Variants in GRIA2 observed in about 807,000 individuals in gnomAD.
GRIA2 encodes glutamate ionotropic receptor AMPA type subunit 2.
In GRIA2, 14 loss-of-function variants were observed where a neutral mutation model predicts 97.3. The observed-to-expected ratio is 0.14, with a 90% CI of 0.10 to 0.23. The LOEUF (loss-of-function observed/expected upper bound fraction) is 0.23, where lower values mean the gene tolerates loss of function less well. GRIA2 is among the 10% of genes least tolerant of loss of function. The probability of loss-of-function intolerance (pLI) is 1.00; values close to 1 mark genes in which losing one functional copy is unlikely to be tolerated. For missense variants in GRIA2, 558 were observed against 1,069.8 expected (o/e 0.52, Z 6.67); for synonymous variants, 412 against 387.8 (o/e 1.06, Z -0.73).
At position 157,341,397 on chromosome 4, in the gene GRIA2, C is replaced by A; in HGVS notation, c.1978C>A (p.Leu660Ile). The A allele has an allele frequency of 6.2e-7, 1 of 1,612,558 alleles. No homozygotes were observed. Among genetic ancestry groups the A allele is most frequent in the Non-Finnish European group, 8.5e-7 (1 of 1,178,766 alleles). ...GTCTCCCATCGAAAGTGCTGAGGAT[C>A]TTTCTAAGCAAACAGAAATTGCTTA... ...MVSPIESAED[L>I]SKQTEIAYGT... The change falls in exon 12 of 16, where the codon CTT (leucine) becomes ATT (isoleucine). Residue 660 changes from leucine to isoleucine, a missense_variant. This residue lies in a region of GRIA2 where 125 missense variants were observed against 310.2 expected (regional missense o/e 0.40). Transcript: ENST00000264426.
chr4:157,287,403 T>C (rs893898252), intron 2 of GRIA2, among the ~76,000 whole-genome samples: 3 of 151,528 alleles, frequency 2.0e-5, no homozygotes, highest in Non-Finnish European at 4.4e-5. Context: ...TGTGTGGGAG[T>C]GTGTGTGAAT....
intron 2 of GRIA2, among the ~76,000 whole-genome samples, chr4:157,271,783 T>C (rs1205271930): frequency 2.6e-5 from 4 of 152,100 alleles, no homozygotes; most frequent in Admixed American, 6.6e-5. Flanking sequence ...GTCCTGAAGC[T>C]ACCTTGGGTT....
chr4:157,240,589 A>G (rs1730461046), intron 2 of GRIA2, among the ~76,000 whole-genome samples: 1 of 152,200 alleles, frequency 6.6e-6, no homozygotes, highest in Non-Finnish European at 1.5e-5. Context: ...ACTGCCCGTC[A>G]ACTGGGACCT....
At chr4:157,324,505 C>G (rs866908906) in intron 6 of GRIA2, among the ~76,000 whole-genome samples, 2 of 152,214 alleles carry the variant, frequency 1.3e-5, no homozygotes, top group South Asian at 2.1e-4. Context: ...TCAAGGAAGG[C>G]TTTCATGGGA....
intron 2 of GRIA2, among the ~76,000 whole-genome samples, chr4:157,237,183 T>G (rs577347363): frequency 6.6e-6 from 1 of 152,242 alleles, no homozygotes; most frequent in East Asian, 1.9e-4. Flanking sequence ...CTTTATGTGA[T>G]TAACAAAACC....
chr4:157,292,688 T>C (rs1239845931), intron 2 of GRIA2, among the ~76,000 whole-genome samples: 2 of 152,062 alleles, frequency 1.3e-5, no homozygotes, highest in African/African-American at 4.8e-5. Context: ...AGATGATTAA[T>C]AGAGGAAACT....
At chr4:157,362,169 G>T (rs899342686) in intron 14 of GRIA2, among the ~76,000 whole-genome samples, 1 of 152,120 alleles carries the variant, frequency 6.6e-6, no homozygotes, top group African/African-American at 2.4e-5. Flanking sequence ...TGGAGACCAA[G>T]AGATCAAAAA....
chr4:157,271,106 C>T (rs1275811418), intron 2 of GRIA2, among the ~76,000 whole-genome samples: 2 of 151,948 alleles, frequency 1.3e-5, no homozygotes, highest in African/African-American at 4.8e-5. Context: ...GAAGAAAAAA[C>T]TCATGCACAA....
At chr4:157,349,248 C>T (rs1735897142) in intron 12 of GRIA2, among the ~76,000 whole-genome samples, 1 of 152,044 alleles carries the variant, frequency 6.6e-6, no homozygotes, top group African/African-American at 2.4e-5. Context: ...ACAAGGGGCC[C>T]ATTCTGTCTT....
At chr4:157,255,448 T>C (rs1399825666) in intron 2 of GRIA2, among the ~76,000 whole-genome samples, 1 of 152,074 alleles carries the variant, frequency 6.6e-6, no homozygotes, top group Non-Finnish European at 1.5e-5. Flanking sequence ...GATAAAATCC[T>C]AGTTCTATTT....
At chr4:157,289,534 T>C (rs1277126213) in intron 2 of GRIA2, among the ~76,000 whole-genome samples, 2 of 151,900 alleles carry the variant, frequency 1.3e-5, no homozygotes, top group Non-Finnish European at 2.9e-5. Flanking sequence ...AAATTCAAGA[T>C]TCTTAAGAAG....
Position 157,317,684 on chromosome 4 carries a change from AG to A in GRIA2, c.696del (p.Tyr233ThrfsTer16). 8.2e-7 allele frequency: 1 copy of A among 1,223,172 alleles called. No individual in the cohort carries two copies. Among genetic ancestry groups the A allele is most frequent in the Non-Finnish European group, 1.2e-6 (1 of 831,200 alleles). 75.8% of individuals were successfully genotyped at this position (1,223,172 alleles called of 1,614,324 possible). A position where few individuals can be genotyped will look rare whatever the true frequency, so the allele number is the denominator to read the frequency against. ...TTATTACCATTGGAAAACATGTTAA[AG>A]GGTACCACTACATCATTGCAAATCT... ...QVITIGKHVK[G>X]YHYIIANLGF... On this transcript the variant is annotated frameshift_variant, in exon 5 of 16. Coordinates refer to ENST00000264426, the MANE Select transcript of GRIA2 (RefSeq NM_001083619.3). LOFTEE classifies it high-confidence loss of function.
chr4:157,230,239 A>T (rs1349483180), intron 2 of GRIA2, among the ~76,000 whole-genome samples: 2 of 151,584 alleles, frequency 1.3e-5, no homozygotes, highest in Non-Finnish European at 1.5e-5. Flanking sequence ...TATTCAAGAT[A>T]TTGCAGTAAG....
intron 2 of GRIA2, among the ~76,000 whole-genome samples, chr4:157,268,442 A>G (rs1398151960): frequency 2.6e-5 from 4 of 152,014 alleles, no homozygotes; most frequent in Non-Finnish European, 2.9e-5. Flanking sequence ...CAGTTTTCTT[A>G]TAGTGAAAAA....
At chr4:157,232,196 A>G (rs1421442170) in intron 2 of GRIA2, among the ~76,000 whole-genome samples, 3 of 152,190 alleles carry the variant, frequency 2.0e-5, no homozygotes, top group African/African-American at 7.2e-5. Flanking sequence ...TATGAATTCC[A>G]TATATTTAAG....
At chr4:157,325,525 A>C (rs557691220) in intron 6 of GRIA2, among the ~76,000 whole-genome samples, 1 of 152,340 alleles carries the variant, frequency 6.6e-6, no homozygotes, top group South Asian at 2.1e-4. Flanking sequence ...TCTTCAGACT[A>C]GAAACCAACA....
chr4:157,268,706 C>A (rs1731879499), intron 2 of GRIA2, among the ~76,000 whole-genome samples: 1 of 151,674 alleles, frequency 6.6e-6, no homozygotes, highest in African/African-American at 2.4e-5. Flanking sequence ...TCTAGTAGAT[C>A]CTACTTATTA....
In GRIA2 at chr4:157,221,088, T is replaced by G. The variant is rs771354204; in HGVS notation, c.46T>G (p.Trp16Gly). ...HISVLLSPVL[W>G]GLIFGVSSNS... ...TTCTGTCCTCCTTTCTCCTGTTTTA[T>G]GGGGACTGATTTTTGGTGTCTCTTC... is the stretch of plus-strand genomic sequence containing the variant. Residue 16 changes from tryptophan (W) to glycine (G), a missense_variant, in exon 1 of 16, where the codon TGG becomes GGG. Trp to Gly is a radical substitution (Grantham distance 184). Transcript: ENST00000264426. 1 of 1,598,126 alleles carries G rather than the reference T, an allele frequency of 6.3e-7. No individual in the cohort carries two copies. Among genetic ancestry groups the G allele is most frequent in the Non-Finnish European group, 8.6e-7 (1 of 1,165,398 alleles).
intron 12 of GRIA2, among the ~76,000 whole-genome samples, chr4:157,343,464 G>T (rs1735634405): frequency 6.6e-6 from 1 of 151,908 alleles, no homozygotes; most frequent in African/African-American, 2.4e-5. Flanking sequence ...AAAATCTCTG[G>T]ATTTACTTCA....
Sources: allele counts gnomAD v4.1 joint callset (sites outside exome capture counted in the v4.1 genomes callset), GRCh38; gene constraint gnomAD v4.1.1; regional missense constraint gnomAD v4.1.1; transcripts MANE v1.5; gene names NCBI Gene and HGNC (gene_info 2026-07-23, HGNC 2026-07-21).